SLC4A4: variants seen among roughly 807,000 people sequenced by gnomAD.
The protein encoded by SLC4A4 is solute carrier family 4 member 4, also known as electrogenic sodium bicarbonate cotransporter 1.
A neutral mutation model predicts 111.5 loss-of-function variants in SLC4A4; 27 were observed. The observed-to-expected ratio is 0.24, with a 90% CI of 0.18 to 0.33. The LOEUF (loss-of-function observed/expected upper bound fraction) is 0.33. Ranked by LOEUF, SLC4A4 falls within the 10% of genes least tolerant of loss-of-function variation. The probability of loss-of-function intolerance (pLI) is 1.00; values close to 1 mark genes in which losing one functional copy is unlikely to be tolerated. For synonymous variants in SLC4A4, 443 were observed against 463.4 expected, an observed-to-expected ratio of 0.96 and a Z score of 0.57; for missense variants, 909 against 1,315.5, an observed-to-expected ratio of 0.69 and a Z score of 4.78.
At chr4:71,275,511 A>G (rs959202902) in intron 3 of SLC4A4, among the ~76,000 whole-genome samples, 6 of 152,250 alleles carry the variant, frequency 3.9e-5, no homozygotes, top group Non-Finnish European at 5.9e-5. Context: ...GATAGATTCT[A>G]TAACTGGTTC....
chr4:71,297,576 TTGG>T (rs1560388353), intron 3 of SLC4A4, among the ~76,000 whole-genome samples: 1 of 149,506 alleles, frequency 6.7e-6, no homozygotes, highest in Non-Finnish European at 1.5e-5. Flanking sequence ...AATGAATGTA[TTGG>T]TGAATCTTTT....
chr4:71,376,970 T>C (rs1240348177), intron 6 of SLC4A4, among the ~76,000 whole-genome samples: 1 of 152,208 alleles, frequency 6.6e-6, no homozygotes, highest in Non-Finnish European at 1.5e-5. Context: ...TTTGTAAAAA[T>C]GTGAAACAGT....
chr4:71,308,779 C>T (rs1016322198), intron 3 of SLC4A4, among the ~76,000 whole-genome samples: 1 of 152,208 alleles, frequency 6.6e-6, no homozygotes, highest in Admixed American at 6.5e-5. Context: ...CAAAACTGGG[C>T]TGCTGTTTGG....
chr4:71,401,930 G>A (rs1302677227), intron 7 of SLC4A4, among the ~76,000 whole-genome samples: 1 of 152,118 alleles, frequency 6.6e-6, no homozygotes, highest in Non-Finnish European at 1.5e-5. Context: ...CTGCTTATCT[G>A]GTTATTATTT....
At chr4:71,472,569 G>C in intron 13 of SLC4A4, 130 bp from the exon 14 acceptor site, 1 of 868,198 alleles carries the variant, frequency 1.2e-6, no homozygotes, top group Non-Finnish European at 1.8e-6. Context: ...GGCTAAAGTA[G>C]AGTTTCACAT....
chr4:71,488,424 A>G (rs1729613186), intron 15 of SLC4A4, among the ~76,000 whole-genome samples: 1 of 151,672 alleles, frequency 6.6e-6, no homozygotes, highest in South Asian at 2.1e-4. Context: ...ATTGACTTCT[A>G]GTGTGACTGT....
At chr4:71,551,931 C>T (rs7677525) in intron 20 of SLC4A4, among the ~76,000 whole-genome samples, 16,217 of 151,840 alleles carry the variant, frequency 0.11, 1,199 homozygotes, top group African/African-American at 0.21. Context: ...ATAGTTGTTA[C>T]TGCTGAAAGG....
intron 1 of SLC4A4, among the ~76,000 whole-genome samples, chr4:71,204,990 AGACT>A (rs1717667945): frequency 6.6e-6 from 1 of 152,202 alleles, no homozygotes; most frequent in Admixed American, 6.5e-5. Context: ...CATCCTGAGG[AGACT>A]GAGGTCATGG....
chr4:71,232,593 T>A (rs560836463), intron 1 of SLC4A4, among the ~76,000 whole-genome samples: 5 of 152,034 alleles, frequency 3.3e-5, no homozygotes, highest in African/African-American at 4.8e-5. Context: ...GAAAAAAAAA[T>A]TTCAGAGATG....
At chr4:71,188,133 C>A (rs1453752363) in intron 1 of SLC4A4, among the ~76,000 whole-genome samples, 1 of 152,158 alleles carries the variant, frequency 6.6e-6, no homozygotes, top group Non-Finnish European at 1.5e-5. Flanking sequence ...CAGCCGTTGC[C>A]AGTCCGTTAA....
Position 71,450,487 on chromosome 4 carries a change from A to T in SLC4A4, c.1152A>T (p.Glu384Asp). 1 of 1,613,734 alleles carries T rather than the reference A, an allele frequency of 6.2e-7. No homozygotes were observed. The highest frequency in any genetic ancestry group is 8.5e-7 in the Non-Finnish European group (1 of 1,179,732). ...AAGTCATCGTCCTTCCACCTGGGGA[A>T]TGGGATCCAGCAATTAGGATAGAGC... ...LDEVIVLPPGEWDPAIRIEPP... is the reference protein window; with the variant it reads ...LDEVIVLPPGDWDPAIRIEPP... The change falls in exon 10 of 26, where the codon GAA becomes GAT. Residue 384 changes from glutamate (E) to aspartate (D), a missense_variant. By Grantham distance (45) the Glu-to-Asp change is conservative. This residue lies in a region of SLC4A4 where 312 missense variants were observed against 402.0 expected (regional missense o/e 0.78). Transcript: ENST00000264485.
intron 3 of SLC4A4, among the ~76,000 whole-genome samples, chr4:71,292,006 C>T (rs1265471314): frequency 6.6e-6 from 1 of 151,830 alleles, no homozygotes; most frequent in African/African-American, 2.4e-5. Flanking sequence ...CTTTGTGTTA[C>T]AAACAATCCA....
intron 3 of SLC4A4, among the ~76,000 whole-genome samples, chr4:71,298,784 G>A (rs764709750): frequency 1.3e-4 from 20 of 152,180 alleles, no homozygotes; most frequent in Non-Finnish European, 1.6e-4. Flanking sequence ...GTTTGGAGAA[G>A]GGTTTCTGAT....
intron 1 of SLC4A4, among the ~76,000 whole-genome samples, chr4:71,079,327 A>G (rs1193901703): frequency 2.0e-5 from 3 of 152,122 alleles, no homozygotes; most frequent in African/African-American, 7.2e-5. Context: ...ACACATATAC[A>G]GCAGTGTGAA....
intron 2 of SLC4A4, among the ~76,000 whole-genome samples, chr4:71,118,651 C>T (rs1743336577): frequency 6.6e-6 from 1 of 151,880 alleles, no homozygotes; most frequent in Non-Finnish European, 1.5e-5. Context: ...TTGCCTTTAT[C>T]TTTGACAGAT....
intron 1 of SLC4A4, among the ~76,000 whole-genome samples, chr4:71,068,815 C>A (rs1217607689): frequency 6.6e-6 from 1 of 152,142 alleles, no homozygotes; most frequent in Non-Finnish European, 1.5e-5. Context: ...GATCTGCCTG[C>A]CTTGGCTTCC....
intron 3 of SLC4A4, among the ~76,000 whole-genome samples, chr4:71,332,910 A>T (rs1379855629): frequency 6.6e-6 from 1 of 152,210 alleles, no homozygotes; most frequent in Non-Finnish European, 1.5e-5. Context: ...TAGGATTCTG[A>T]ATTCCTTCTC....
At chr4:71,230,694 G>T (rs925029695) in intron 1 of SLC4A4, among the ~76,000 whole-genome samples, 2 of 152,188 alleles carry the variant, frequency 1.3e-5, no homozygotes, top group African/African-American at 4.8e-5. Context: ...CTTTTGGGAT[G>T]GAATCAAAAA....
rs138833669 is a variant in SLC4A4 at position 71,215,118 on chromosome 4, A to G, written c.-1-21458A>G. Among the ~76,000 whole-genome samples, 28 of 152,354 alleles carry G rather than the reference A, an allele frequency of 1.8e-4. No homozygotes were observed. The South Asian group carries it at 5.2e-3, about 28-fold the overall frequency. ...TTGAGTATCTTCAAAGTAATACCCT[A>G]TGCTATTACAACGGTATCACAAATG... On this transcript the variant is annotated intron_variant, in intron 1 of 25. Coordinates refer to ENST00000264485, the MANE Select transcript of SLC4A4 (RefSeq NM_001098484.3).
Sources: gnomAD v4.1 joint callset for allele counts (sites outside exome capture counted in the v4.1 genomes callset) on GRCh38, gnomAD v4.1.1 for gene constraint, gnomAD v4.1.1 regional missense constraint, MANE v1.5 for transcripts, NCBI Gene and HGNC (gene_info 2026-07-23, HGNC 2026-07-21) for gene names.